ERBB4: variants seen among roughly 807,000 people sequenced by gnomAD.
The protein encoded by ERBB4 is erb-b2 receptor tyrosine kinase 4, also known as receptor tyrosine-protein kinase erbB-4.
A neutral mutation model predicts 158.0 loss-of-function variants in ERBB4; 42 were observed. The observed-to-expected ratio is 0.27, with a 90% CI of 0.21 to 0.34. ERBB4 has a LOEUF of 0.34. Ranked by LOEUF, ERBB4 falls within the 10% of genes least tolerant of loss-of-function variation. The pLI is 1.00. For synonymous variants in ERBB4, 583 were observed against 558.7 expected (o/e 1.04, Z -0.61); for missense variants, 1,333 against 1,624.1 (o/e 0.82, Z 3.08).
intron 1 of ERBB4, among the ~76,000 whole-genome samples, chr2:212,445,489 C>A (rs2092331079): frequency 6.6e-6 from 1 of 152,126 alleles, no homozygotes; most frequent in Non-Finnish European, 1.5e-5. Context: ...CACCTAGACA[C>A]TTTAGGATCC....
intron 1 of ERBB4, among the ~76,000 whole-genome samples, chr2:212,138,456 T>C (rs929921377): frequency 6.6e-6 from 1 of 152,166 alleles, no homozygotes; most frequent in South Asian, 2.1e-4. Context: ...AAATTCAGCC[T>C]GGCATTCTGT....
At chr2:211,704,220 A>G (rs1233948311) in intron 10 of ERBB4, 26 bp from the exon 11 acceptor site, 1 of 1,375,038 alleles carries the variant, frequency 7.3e-7, no homozygotes, top group African/African-American at 1.4e-5. Context: ...AGAAAAAATA[A>G]ATCAGAATAT....
At chr2:211,437,267 T>C (rs1159299762) in intron 20 of ERBB4, among the ~76,000 whole-genome samples, 3 of 152,214 alleles carry the variant, frequency 2.0e-5, no homozygotes. Context: ...TGTGTAATCA[T>C]AGTAAATACA....
At chr2:212,101,624 T>C (rs2079086023) in intron 2 of ERBB4, among the ~76,000 whole-genome samples, 1 of 151,928 alleles carries the variant, frequency 6.6e-6, no homozygotes, top group Non-Finnish European at 1.5e-5. Flanking sequence ...AACGCTCTTA[T>C]CACCCTGAAC....
At chr2:211,513,788 T>C (rs1166977484) in intron 20 of ERBB4, among the ~76,000 whole-genome samples, 2 of 152,076 alleles carry the variant, frequency 1.3e-5, no homozygotes, top group Non-Finnish European at 2.9e-5. Context: ...GGCTCCAGAC[T>C]ACTAAAACAA....
chr2:212,407,026 A>C lies in ERBB4; in HGVS notation c.82+131423T>G, dbSNP rs184494512. On this transcript the variant is annotated intron_variant, in intron 1 of 27. Transcript: ENST00000342788. ...TTAAAATAGCTTAAGTGTTATCTTC[A>C]TTTGGAAGCCTTTCCCGAACCCCAC... 2.0e-5 allele frequency among the ~76,000 whole-genome samples: 3 copies of C among 152,086 alleles called. No homozygotes were observed. In the East Asian group the frequency reaches 5.8e-4, roughly 29 times the overall value.
intron 1 of ERBB4, among the ~76,000 whole-genome samples, chr2:212,331,056 T>TTTTATATATATATATATATA (rs1195085255): frequency 8.7e-4 from 22 of 25,328 alleles, no homozygotes; most frequent in African/African-American, 1.1e-3. Flanking sequence ...TATTTGTAAT[T>TTTTATATATATATATATATA]TGTATATATA....
chr2:212,020,147 G>T (rs2076617227), intron 2 of ERBB4, among the ~76,000 whole-genome samples: 1 of 151,974 alleles, frequency 6.6e-6, no homozygotes, highest in Admixed American at 6.6e-5. Flanking sequence ...TGCATATTCT[G>T]CTTGGGATAT....
chr2:211,568,212 G>C (rs1301961971), intron 19 of ERBB4, among the ~76,000 whole-genome samples: 1 of 151,486 alleles, frequency 6.6e-6, no homozygotes, highest in African/African-American at 2.4e-5. Context: ...AGGTGCTACA[G>C]TAAAAATTCT....
At chr2:212,466,967 TGACTCTTGTTATGTTTTAGCAAAGA>T (rs536459630) in intron 1 of ERBB4, among the ~76,000 whole-genome samples, 2,684 of 152,228 alleles carry the variant, frequency 0.018, 35 homozygotes, top group Non-Finnish European at 0.026. Flanking sequence ...GTAGCAAAGG[TGACTCTTGTTATGTTTTAGCAAAGA>T]GACTGGCAGG....
chr2:212,105,706 T>A (rs974430103), intron 2 of ERBB4, among the ~76,000 whole-genome samples: 1 of 152,216 alleles, frequency 6.6e-6, no homozygotes, highest in African/African-American at 2.4e-5. Context: ...TGTCCTGACC[T>A]AATTGATATG....
At chr2:212,498,533 C>T (rs1434382041) in intron 1 of ERBB4, among the ~76,000 whole-genome samples, 1 of 152,062 alleles carries the variant, frequency 6.6e-6, no homozygotes, top group East Asian at 1.9e-4. Context: ...ATTATTTTCA[C>T]TTTCTTATAT....
At chr2:212,379,325 T>C (rs2106406994) in intron 1 of ERBB4, among the ~76,000 whole-genome samples, 1 of 151,886 alleles carries the variant, frequency 6.6e-6, no homozygotes, top group East Asian at 1.9e-4. Context: ...GTCGTCAATA[T>C]GCCAGTAACC....
chr2:211,922,984 G>A (rs2079911241), intron 3 of ERBB4, among the ~76,000 whole-genome samples: 1 of 152,102 alleles, frequency 6.6e-6, no homozygotes, highest in Non-Finnish European at 1.5e-5. Flanking sequence ...GTGGTTTGGA[G>A]GTGAGAAATG....
At chr2:211,788,474 T>C (rs2076217251) in intron 3 of ERBB4, among the ~76,000 whole-genome samples, 1 of 152,122 alleles carries the variant, frequency 6.6e-6, no homozygotes. Flanking sequence ...ATATTTTATA[T>C]AATATTTTAT....
intron 2 of ERBB4, among the ~76,000 whole-genome samples, chr2:212,024,505 A>G (rs577941568): frequency 3.0e-4 from 45 of 152,118 alleles, no homozygotes; most frequent in African/African-American, 1.0e-3. Flanking sequence ...AACAGGCTCA[A>G]GTTGTTCCTT....
chr2:212,064,988 GGTGTGTGTGT>G (rs34396660), intron 2 of ERBB4, among the ~76,000 whole-genome samples: 1,567 of 143,374 alleles, frequency 0.011, 11 homozygotes, highest in Non-Finnish European at 0.015. Context: ...ACATCTTTAT[GGTGTGTGTGT>G]GTGTGTGTGT....
chr2:211,461,730 A>G (rs1188933450), intron 20 of ERBB4, among the ~76,000 whole-genome samples: 1 of 152,162 alleles, frequency 6.6e-6, no homozygotes, highest in Non-Finnish European at 1.5e-5. Flanking sequence ...CCATTGAGAA[A>G]ACAACTGAGC....
chr2:212,105,499 GC>G (rs1559506636), intron 2 of ERBB4, among the ~76,000 whole-genome samples: 1 of 152,022 alleles, frequency 6.6e-6, no homozygotes, highest in Non-Finnish European at 1.5e-5. Context: ...TAGCAATCAC[GC>G]TTTTTCTTTG....
Sources: allele counts gnomAD v4.1 joint callset (sites outside exome capture counted in the v4.1 genomes callset), GRCh38; gene constraint gnomAD v4.1.1; transcripts MANE v1.5; gene names NCBI Gene and HGNC (gene_info 2026-07-23, HGNC 2026-07-21).